SLC39A11: variants seen among roughly 807,000 people sequenced by gnomAD.
SLC39A11 encodes zinc transporter ZIP11.
A neutral mutation model predicts 36.1 loss-of-function variants in SLC39A11; 33 were observed. That is an observed-to-expected ratio of 0.91 (90% confidence interval 0.69 to 1.22). The LOEUF (loss-of-function observed/expected upper bound fraction) is 1.22. Among genes scored for constraint, SLC39A11 ranks in the 50% most tolerant of loss-of-function variants. SLC39A11 has a pLI of 0.00. For missense variants in SLC39A11, 432 were observed against 430.3 expected (o/e 1.00, Z -0.03); for synonymous variants, 166 against 170.3 (o/e 0.97, Z 0.20).
chr17:72,910,341 A>G (rs999174298), intron 5 of SLC39A11, among the ~76,000 whole-genome samples: 1 of 152,138 alleles, frequency 6.6e-6, no homozygotes, highest in African/African-American at 2.4e-5. Flanking sequence ...AAAGTAAAAG[A>G]AACCGGGTGC....
chr17:72,809,765 GT>G (rs1459993146), intron 6 of SLC39A11, among the ~76,000 whole-genome samples: 1 of 152,138 alleles, frequency 6.6e-6, no homozygotes, highest in Non-Finnish European at 1.5e-5. Flanking sequence ...TTGTTTGTTT[GT>G]TTGTTTAATT....
At chr17:72,788,957 T>A (rs2076606228) in intron 6 of SLC39A11, among the ~76,000 whole-genome samples, 1 of 152,210 alleles carries the variant, frequency 6.6e-6, no homozygotes, top group Non-Finnish European at 1.5e-5. Flanking sequence ...TTTGTCTGCA[T>A]GAATGTTATG....
At chr17:73,046,747 G>C (rs940009687) in intron 3 of SLC39A11, among the ~76,000 whole-genome samples, 1 of 152,006 alleles carries the variant, frequency 6.6e-6, no homozygotes. Context: ...TTCCAGACCA[G>C]CCTGGGCAAC....
chr17:72,951,081 G>A (rs1375160627), intron 4 of SLC39A11, among the ~76,000 whole-genome samples: 1 of 143,224 alleles, frequency 7.0e-6, no homozygotes, highest in Non-Finnish European at 1.5e-5. Flanking sequence ...AGGCAACATA[G>A]TGAGGCCCCA....
At chr17:72,810,096 AAAAG>A (rs1202400635) in intron 6 of SLC39A11, among the ~76,000 whole-genome samples, 8 of 147,550 alleles carry the variant, frequency 5.4e-5, no homozygotes, top group Non-Finnish European at 1.2e-4. Flanking sequence ...AAAAAAAAAA[AAAAG>A]AAAAGAAAAT....
At chr17:72,664,237 A>G (rs1478830109) in intron 7 of SLC39A11, 1 of 152,240 alleles carries the variant, frequency 6.6e-6, no homozygotes, top group Non-Finnish European at 1.5e-5. Context: ...TCTATTTTGT[A>G]GATGTAGTAA....
chr17:72,974,601 A>G (rs2087712495), intron 4 of SLC39A11, among the ~76,000 whole-genome samples: 2 of 152,236 alleles, frequency 1.3e-5, no homozygotes, highest in Non-Finnish European at 2.9e-5. Flanking sequence ...ACAAGCTGAT[A>G]AGGTAAAAAT....
At position 72,649,323 on chromosome 17, in the gene SLC39A11, A is replaced by G. The variant is rs74641995; in HGVS notation, c.672-55T>C. Reference sequence around the variant, plus strand: ...GCTGTCTGGAATAGGTGCTCACACAATGGGAGTCCCTGGCCGAGGCCAAGA... The same window carrying G: ...GCTGTCTGGAATAGGTGCTCACACAGTGGGAGTCCCTGGCCGAGGCCAAGA... On this transcript the variant is annotated intron_variant, in intron 7 of 9. Transcript: ENST00000255559. 1,352 of 1,524,298 alleles carry G rather than the reference A, an allele frequency of 8.9e-4. 10 individuals carry two copies. In the African/African-American group the frequency reaches 0.016, roughly 18 times the overall value. The allele number at this position is 1,524,298 out of a possible 1,614,324, so 94.4% of individuals were successfully genotyped here. A position where few individuals can be genotyped will look rare whatever the true frequency, so the allele number is the denominator to read the frequency against.
intron 5 of SLC39A11, among the ~76,000 whole-genome samples, chr17:72,917,693 A>G (rs2083412537): frequency 6.6e-6 from 1 of 152,180 alleles, no homozygotes; most frequent in Non-Finnish European, 1.5e-5. Flanking sequence ...GCTGCTCTTT[A>G]TTGGGCTGTG....
At chr17:73,061,651 G>A (rs1034298954) in intron 3 of SLC39A11, among the ~76,000 whole-genome samples, 1 of 152,146 alleles carries the variant, frequency 6.6e-6, no homozygotes, top group Non-Finnish European at 1.5e-5. Context: ...CTCATAGAGG[G>A]CTTAGACAAC....
At chr17:72,789,824 G>C (rs1421252634) in intron 6 of SLC39A11, among the ~76,000 whole-genome samples, 1 of 152,212 alleles carries the variant, frequency 6.6e-6, no homozygotes, top group Non-Finnish European at 1.5e-5. Flanking sequence ...AGATCTGTGG[G>C]TACGTATGGG....
chr17:72,879,664 G>A (rs1364148920), intron 5 of SLC39A11, among the ~76,000 whole-genome samples: 1 of 152,198 alleles, frequency 6.6e-6, no homozygotes, highest in Admixed American at 6.5e-5. Context: ...TTATAGTTAG[G>A]CATGACCAGG....
chr17:72,820,348 A>G lies in SLC39A11; in HGVS notation c.601+29286T>C, dbSNP rs375336315. ...TAAGTTCTTGCGATGTCCCATCCTC[A>G]TGAATACATTTGTAGCTGTCTTAAG... On this transcript the variant is annotated intron_variant, in intron 6 of 9. Transcript: ENST00000255559. Among the ~76,000 whole-genome samples, 22 of 151,348 alleles carry G rather than the reference A, an allele frequency of 1.5e-4. 1 individual carries two copies. The highest frequency in any genetic ancestry group is 5.3e-4 in the African/African-American group (22 of 41,478).
intron 7 of SLC39A11, among the ~76,000 whole-genome samples, chr17:72,679,195 C>A (rs1483064082): frequency 1.3e-5 from 2 of 152,008 alleles, no homozygotes; most frequent in African/African-American, 4.8e-5. Flanking sequence ...GGATCACATT[C>A]TAGTATTTGA....
chr17:72,728,833 C>A (rs1396435771), intron 7 of SLC39A11, among the ~76,000 whole-genome samples: 1 of 152,136 alleles, frequency 6.6e-6, no homozygotes, highest in East Asian at 1.9e-4. Context: ...CTCCACGGCA[C>A]GAGATTAACC....
intron 5 of SLC39A11, among the ~76,000 whole-genome samples, chr17:72,876,897 C>T (rs1185438477): frequency 6.6e-6 from 1 of 152,168 alleles, no homozygotes; most frequent in Non-Finnish European, 1.5e-5. Flanking sequence ...TAGACCAAAC[C>T]CCTGGTTTCA....
intron 4 of SLC39A11, among the ~76,000 whole-genome samples, chr17:72,959,167 T>C (rs2086435605): frequency 6.6e-6 from 1 of 151,574 alleles, no homozygotes; most frequent in Non-Finnish European, 1.5e-5. Flanking sequence ...TACTACTGGG[T>C]ATCTAGCCAG....
At position 72,717,055 on chromosome 17, in the gene SLC39A11, T is replaced by C. The variant is rs147445730; in HGVS notation, c.671+19595A>G. The stretch of plus-strand genomic sequence containing the variant: ...CACATATAAAATATATATACACATA[T>C]ATACATATATACACATATAAGTATA... On this transcript the variant is annotated intron_variant, in intron 7 of 9. Coordinates refer to ENST00000255559, the MANE Select transcript of SLC39A11 (RefSeq NM_139177.4). 2.4e-3 allele frequency among the ~76,000 whole-genome samples: 357 copies of C among 147,510 alleles called. 4 individuals carry two copies. Among genetic ancestry groups the C allele is most frequent in the Non-Finnish European group, 4.0e-3 (272 of 67,194 alleles).
chr17:73,045,856 G>C (rs1209799984), intron 3 of SLC39A11, among the ~76,000 whole-genome samples: 1 of 152,146 alleles, frequency 6.6e-6, no homozygotes, highest in African/African-American at 2.4e-5. Context: ...GTCATCAAGA[G>C]AGTGAGAACA....
Sources: gnomAD v4.1 joint callset for allele counts (sites outside exome capture counted in the v4.1 genomes callset) on GRCh38, gnomAD v4.1.1 for gene constraint, MANE v1.5 for transcripts, NCBI Gene and HGNC (gene_info 2026-07-23, HGNC 2026-07-21) for gene names.